Variants in ARFGEF2 observed in about 807,000 individuals in gnomAD.
ARFGEF2 encodes ARF guanine nucleotide exchange factor 2.
Under a neutral mutation model 219.9 loss-of-function variants are expected in ARFGEF2, and 74 were observed. That is an observed-to-expected ratio of 0.34 (90% CI 0.28 to 0.41). The LOEUF (loss-of-function observed/expected upper bound fraction) is 0.41. Ranked by LOEUF, ARFGEF2 falls within the 10% of genes least tolerant of loss-of-function variation. The pLI is 1.00. For missense variants in ARFGEF2, 1,743 were observed against 2,218.3 expected (o/e 0.79, Z 4.30); for synonymous variants, 733 against 799.2 (o/e 0.92, Z 1.40).
chr20:49,004,395 A>C, intron 25 of ARFGEF2, among the ~76,000 whole-genome samples: 1 of 152,110 alleles, frequency 6.6e-6, no homozygotes, highest in East Asian at 1.9e-4. Context: ...AATGTATACT[A>C]CTGAACTGTT....
chr20:48,970,710 G>A (rs1438573138), intron 9 of ARFGEF2, among the ~76,000 whole-genome samples: 1 of 152,204 alleles, frequency 6.6e-6, no homozygotes, highest in East Asian at 1.9e-4. Context: ...CTCCGGCATG[G>A]GCAGTGGGGA....
chr20:49,036,080 G>A lies in ARFGEF2; in HGVS notation c.*2881G>A. The A allele has an allele frequency of 2.5e-6, 1 of 397,884 alleles. No homozygotes were observed. The highest frequency in any genetic ancestry group is 1.3e-4 in the South Asian group (1 of 7,788). The allele number at this position is 397,884 out of a possible 1,614,324, so 24.6% of individuals were successfully genotyped here. A position where few individuals can be genotyped will look rare whatever the true frequency, so the allele number is the denominator to read the frequency against. On this transcript the variant is annotated 3_prime_UTR_variant, in exon 39 of 39. Transcript: ENST00000371917. ...GTCTTTGTTATTAAAGGAACCTGCT[G>A]ATAAGTACAAGTGTGACCATCTCAT...
At chr20:48,922,090 G>C (rs2090845331) in intron 1 of ARFGEF2, 80 bp downstream of exon 1, 2 of 1,497,278 alleles carry the variant, frequency 1.3e-6, no homozygotes, top group Admixed American at 2.2e-5. Flanking sequence ...CCTTGGCCCG[G>C]CCTCCTGGCC....
At chr20:48,965,782 G>C in intron 7 of ARFGEF2, 90 bp from the exon 8 acceptor site, 1 of 1,487,052 alleles carries the variant, frequency 6.7e-7, no homozygotes, top group African/African-American at 1.4e-5. Flanking sequence ...ACAGCTGGGA[G>C]GTTCACAGAT....
intron 21 of ARFGEF2, among the ~76,000 whole-genome samples, chr20:48,993,618 G>C (rs547274405): frequency 9.2e-5 from 14 of 152,310 alleles, no homozygotes; most frequent in African/African-American, 3.4e-4. Flanking sequence ...CTGGAGGTCT[G>C]TGTGCCATTC....
intron 3 of ARFGEF2, among the ~76,000 whole-genome samples, chr20:48,947,126 C>T (rs912577614): frequency 1.3e-5 from 2 of 152,170 alleles, no homozygotes; most frequent in South Asian, 2.1e-4. Context: ...GGGCCAGGTG[C>T]GGTAGCTCAT....
intron 34 of ARFGEF2, among the ~76,000 whole-genome samples, chr20:49,019,955 A>G (rs906027069): frequency 4.6e-5 from 7 of 152,234 alleles, no homozygotes; most frequent in African/African-American, 1.7e-4. Flanking sequence ...TGTCATTTAA[A>G]AAAATAAGTT....
chr20:48,936,331 G>T (rs2090957043), intron 1 of ARFGEF2, among the ~76,000 whole-genome samples: 1 of 150,674 alleles, frequency 6.6e-6, no homozygotes, highest in South Asian at 2.1e-4. Context: ...GGACGGGGCG[G>T]CTGGCTGGGC....
intron 25 of ARFGEF2, among the ~76,000 whole-genome samples, chr20:48,999,883 G>A (rs1176999191): frequency 2.0e-5 from 3 of 151,980 alleles, no homozygotes; most frequent in African/African-American, 7.3e-5. Flanking sequence ...CTCAAACCTG[G>A]TGGTGAAGAG....
At chr20:48,983,075 G>A (rs745906123) in intron 14 of ARFGEF2, among the ~76,000 whole-genome samples, 26 of 152,218 alleles carry the variant, frequency 1.7e-4, no homozygotes, top group Non-Finnish European at 3.1e-4. Context: ...CGTCTTCTGC[G>A]TCGATCACAC....
intron 28 of ARFGEF2, 107 bp downstream of exon 28, chr20:49,012,191 G>C: frequency 6.9e-7 from 1 of 1,456,656 alleles, no homozygotes. Flanking sequence ...TTAGAAATGT[G>C]TGTTTGCCCT....
intron 26 of ARFGEF2, among the ~76,000 whole-genome samples, chr20:49,005,778 A>G (rs1232813470): frequency 6.6e-6 from 1 of 150,678 alleles, no homozygotes; most frequent in Admixed American, 6.6e-5. Context: ...TATGTCATGA[A>G]CCCCTTTTGG....
At chr20:49,005,264 TG>T in intron 26 of ARFGEF2, 43 bp downstream of exon 26, 1 of 1,612,634 alleles carries the variant, frequency 6.2e-7, no homozygotes. Context: ...AATTCCCCGT[TG>T]GGGCTCCCAG....
At chr20:49,008,470 G>GGA (rs1360318901) in intron 26 of ARFGEF2, among the ~76,000 whole-genome samples, 8 of 151,932 alleles carry the variant, frequency 5.3e-5, no homozygotes, top group Admixed American at 1.3e-4. Flanking sequence ...GGCTGAGGTA[G>GGA]GAGAATCACT....
At chr20:48,966,853 CTTG>C (rs1202988632) in intron 8 of ARFGEF2, among the ~76,000 whole-genome samples, 3 of 152,024 alleles carry the variant, frequency 2.0e-5, no homozygotes, top group African/African-American at 7.2e-5. Flanking sequence ...GTTTGTTGTT[CTTG>C]TTGTTTGTTT....
In ARFGEF2 at chr20:48,972,239, A is replaced by G. The variant is rs965292711; in HGVS notation, c.1426-87A>G. 92 of 931,876 alleles carry G rather than the reference A, an allele frequency of 9.9e-5. 1 individual carries two copies. The highest frequency in any genetic ancestry group is 1.6e-4 in the Non-Finnish European group (91 of 571,526). 57.7% of individuals were successfully genotyped at this position (931,876 alleles called of 1,614,324 possible). A position where few individuals can be genotyped will look rare whatever the true frequency, so the allele number is the denominator to read the frequency against. Reference sequence around the variant, plus strand: ...CCCAGGGTGCTTTACTTACTGCACGACTGGGTTGGCTGCTGAAGACTTTGG... The same window carrying G: ...CCCAGGGTGCTTTACTTACTGCACGGCTGGGTTGGCTGCTGAAGACTTTGG... On this transcript the variant is annotated intron_variant, in intron 10 of 38. Coordinates refer to ENST00000371917, the MANE Select transcript of ARFGEF2 (RefSeq NM_006420.3).
intron 12 of ARFGEF2, among the ~76,000 whole-genome samples, chr20:48,974,466 A>G (rs984466296): frequency 2.6e-5 from 4 of 152,146 alleles, no homozygotes; most frequent in African/African-American, 4.8e-5. Flanking sequence ...TTTTAATCAC[A>G]TAAGCAATGA....
chr20:49,011,791 A>C, intron 27 of ARFGEF2, 133 bp from the exon 28 acceptor site: 1 of 1,101,500 alleles, frequency 9.1e-7, no homozygotes, highest in South Asian at 1.2e-5. Flanking sequence ...AGATACTGAC[A>C]TGCTTTTCTT....
Position 48,941,871 on chromosome 20 carries a change from A to G in ARFGEF2, c.160A>G (p.Thr54Ala). 3.1e-6 allele frequency: 5 copies of G among 1,614,218 alleles called. No homozygotes were observed. The highest frequency in any genetic ancestry group is 4.2e-6 in the Non-Finnish European group (5 of 1,180,042). Residue 54 changes from threonine to alanine, a missense_variant, in exon 3 of 39, where the codon ACT becomes GCT. Coordinates refer to ENST00000371917, the MANE Select transcript of ARFGEF2 (RefSeq NM_006420.3). Reference sequence around the variant, plus strand: ...CTCTTGCTTTTCTCCTAGGCTTGGCACTGCTGCACCACCAAAGGCAAACTT... The same window carrying G: ...CTCTTGCTTTTCTCCTAGGCTTGGCGCTGCTGCACCACCAAAGGCAAACTT... ...KAEIEKQRLGTAAPPKANFIE... is the reference protein window; with the variant it reads ...KAEIEKQRLGAAAPPKANFIE...
Sources: gnomAD v4.1 joint callset for allele counts (sites outside exome capture counted in the v4.1 genomes callset) on GRCh38, gnomAD v4.1.1 for gene constraint, MANE v1.5 for transcripts, NCBI Gene and HGNC (gene_info 2026-07-23, HGNC 2026-07-21) for gene names.